Variants in SCIMP observed in about 807,000 individuals in gnomAD.
SCIMP encodes the protein SLP adaptor and CSK interacting membrane protein, also known as SLP adapter and CSK-interacting membrane protein.
A neutral mutation model predicts 22.0 loss-of-function variants in SCIMP; 18 were observed. That is an observed-to-expected ratio of 0.82 (90% CI 0.56 to 1.21). The LOEUF (loss-of-function observed/expected upper bound fraction) is 1.21, where lower values mean the gene tolerates loss of function less well. Among genes scored for constraint, SCIMP ranks in the 50% most tolerant of loss-of-function variants. The pLI, the probability that SCIMP is intolerant of heterozygous loss-of-function variation, is 0.00. For synonymous variants in SCIMP, 53 were observed against 62.2 expected (o/e 0.85, Z 0.70); for missense variants, 155 against 171.2 (o/e 0.91, Z 0.53).
rs555789948 is a variant in SCIMP at position 5,212,558 on chromosome 17, C to T, written c.284-1603G>A. Among the ~76,000 whole-genome samples the T allele has an allele frequency of 7.2e-5, 11 of 152,252 alleles. No individual in the cohort carries two copies. The East Asian group carries it at 1.2e-3, about 16-fold the overall frequency. On this transcript the variant is annotated intron_variant, in intron 4 of 4. Transcript: ENST00000574081. ...CTGAGGCAGGACAATGGCATGAACT[C>T]GGGAGGTGGAGCTTGCAGTGAGCCG...
At chr17:5,233,287 C>T (rs1297194140) in intron 1 of SCIMP, among the ~76,000 whole-genome samples, 2 of 152,142 alleles carry the variant, frequency 1.3e-5, no homozygotes, top group African/African-American at 4.8e-5. Context: ...ATTGCATTTT[C>T]GCTGGCCCCT....
chr17:5,223,341 A>T lies in SCIMP; in HGVS notation c.137T>A (p.Leu46His), dbSNP rs1395390408. 1.2e-6 allele frequency: 2 copies of T among 1,613,788 alleles called. No individual in the cohort carries two copies. The highest frequency in any genetic ancestry group is 3.3e-5 in the Admixed American group (2 of 59,832). The change falls in exon 2 of 5, where the codon CTT becomes CAT. Residue 46 changes from leucine to histidine, a missense_variant. By Grantham distance (99) the Leu-to-His change is moderately conservative. Coordinates refer to ENST00000574081, the MANE Select transcript of SCIMP (RefSeq NM_207103.3). ...LILYCVCKWQ[L>H]RRGKKWEIAK... ...GGTAAAATGGCCATTACCTCGTCTA[A>T]GCTGCCACTTACAGACACAGTACAG...
intron 2 of SCIMP, 36 bp from the exon 3 acceptor site, chr17:5,221,386 T>C: frequency 6.6e-7 from 1 of 1,519,174 alleles, no homozygotes; most frequent in Non-Finnish European, 9.1e-7. Context: ...GAAGAAGAAT[T>C]AGCAAAAGTT....
At chr17:5,220,962 G>T (rs1347110914) in intron 3 of SCIMP, 4 of 396,268 alleles carry the variant, frequency 1.0e-5, no homozygotes, top group Non-Finnish European at 1.9e-5. Flanking sequence ...GGAGGCTGAG[G>T]CAGGAGAATT....
At chr17:5,215,626 T>A (rs775981947) in intron 3 of SCIMP, among the ~76,000 whole-genome samples, 6 of 151,080 alleles carry the variant, frequency 4.0e-5, no homozygotes, top group Non-Finnish European at 8.9e-5. Context: ...AACAAACAAA[T>A]AAAAAAACAA....
chr17:5,224,442 T>TTTTG (rs34816789), intron 1 of SCIMP, among the ~76,000 whole-genome samples: 14 of 143,822 alleles, frequency 9.7e-5, no homozygotes, highest in South Asian at 4.6e-4. Flanking sequence ...AGGCCAGTTT[T>TTTTG]TTTGTTTGTT....
intron 3 of SCIMP, among the ~76,000 whole-genome samples, chr17:5,218,632 C>T (rs1349085173): frequency 2.0e-5 from 3 of 152,162 alleles, no homozygotes; most frequent in Non-Finnish European, 4.4e-5. Context: ...AGCTGCTGCA[C>T]CTGGCCCCAG....
Position 5,228,218 on chromosome 17 carries a change from C to T in SCIMP, c.22-4762G>A, listed in dbSNP as rs533590586. ...AAAATAAGTTGGGCATGGTGGCACG[C>T]GCCTGTGGCCCCAGCTACATGGGAG... On this transcript the variant is annotated intron_variant, in intron 1 of 4. Coordinates refer to ENST00000574081, the MANE Select transcript of SCIMP (RefSeq NM_207103.3). Among the ~76,000 whole-genome samples, 190 of 151,802 alleles carry T rather than the reference C, an allele frequency of 1.3e-3. 1 individual carries two copies. Among genetic ancestry groups the T allele is most frequent in the African/African-American group, 3.8e-3 (158 of 41,398 alleles).
chr17:5,221,393 A>G (rs2144325299), intron 2 of SCIMP, 43 bp from the exon 3 acceptor site: 3 of 1,489,002 alleles, frequency 2.0e-6, no homozygotes, highest in Admixed American at 1.7e-5. Context: ...AATTAGCAAA[A>G]GTTGTGATTT....
intron 1 of SCIMP, among the ~76,000 whole-genome samples, chr17:5,225,850 CT>C (rs1424264332): frequency 1.3e-5 from 2 of 151,608 alleles, no homozygotes; most frequent in East Asian, 3.9e-4. Flanking sequence ...GAGGCCCGGA[CT>C]TGCGACTGAC....
Position 5,210,646 on chromosome 17 carries a change from C to A in SCIMP, c.*155G>T. On this transcript the variant is annotated 3_prime_UTR_variant, in exon 5 of 5. Coordinates refer to ENST00000574081, the MANE Select transcript of SCIMP (RefSeq NM_207103.3). ...CATCCGATCGCAGGGGTGTCTTCAT[C>A]TAAGGTTTGGGAAGTGCTTTATCTT... is the stretch of plus-strand genomic sequence containing the variant. 2 of 984,318 alleles carry A rather than the reference C, an allele frequency of 2.0e-6. No individual in the cohort carries two copies. Among genetic ancestry groups the A allele is most frequent in the Non-Finnish European group, 2.9e-6 (2 of 690,758 alleles). 61.0% of individuals were successfully genotyped at this position (984,318 alleles called of 1,614,324 possible). A position where few individuals can be genotyped will look rare whatever the true frequency, so the allele number is the denominator to read the frequency against.
rs1024431800 is a variant in SCIMP, at chr17:5,234,642, G to A, written c.21+93C>T. 64 of 1,359,084 alleles carry A rather than the reference G, an allele frequency of 4.7e-5. 1 individual carries two copies. The African/African-American group carries it at 7.8e-4, about 17-fold the overall frequency. 84.2% of individuals were successfully genotyped at this position (1,359,084 alleles called of 1,614,324 possible). ...CAATCCCCTGGCCCAGTGCTGATCGGTGGCTCCCAGGGACACGCCCTGATG... is the reference window on the plus strand; with the variant it reads ...CAATCCCCTGGCCCAGTGCTGATCGATGGCTCCCAGGGACACGCCCTGATG... On this transcript the variant is annotated intron_variant, in intron 1 of 4. Transcript: ENST00000574081.
chr17:5,231,765 G>A (rs999047047), intron 1 of SCIMP, among the ~76,000 whole-genome samples: 4 of 152,076 alleles, frequency 2.6e-5, no homozygotes, highest in Admixed American at 2.6e-4. Context: ...TGCAAAACTG[G>A]TCATCTTGGC....
rs2074509180 is a variant in SCIMP, at chr17:5,209,141, T to A, written c.*1660A>T. 6.6e-6 allele frequency: 1 copy of A among 152,126 alleles called. No individual in the cohort carries two copies. Among genetic ancestry groups the A allele is most frequent in the South Asian group, 2.1e-4 (1 of 4,818 alleles). 9.4% of individuals were successfully genotyped at this position (152,126 alleles called of 1,614,324 possible). On this transcript the variant is annotated 3_prime_UTR_variant, in exon 5 of 5. Coordinates refer to ENST00000574081, the MANE Select transcript of SCIMP (RefSeq NM_207103.3). ...AAGGAGGGTTTATTTATTTATTTAT[T>A]TATTTATTTTTAGATGGAGTTTCAC... is the stretch of plus-strand genomic sequence containing the variant.
chr17:5,225,942 G>A (rs1336341311), intron 1 of SCIMP, among the ~76,000 whole-genome samples: 1 of 152,092 alleles, frequency 6.6e-6, no homozygotes, highest in Non-Finnish European at 1.5e-5. Context: ...TGCTGGCATT[G>A]AATTGGAGAA....
At chr17:5,215,143 G>T in intron 3 of SCIMP, 145 bp from the exon 4 acceptor site, 1 of 591,570 alleles carries the variant, frequency 1.7e-6, no homozygotes, top group Admixed American at 2.9e-5. Flanking sequence ...CCTTTCCTTT[G>T]TAGGTCCTGG....
At chr17:5,227,173 G>T (rs1892211372) in intron 1 of SCIMP, among the ~76,000 whole-genome samples, 1 of 151,996 alleles carries the variant, frequency 6.6e-6, no homozygotes, top group Admixed American at 6.6e-5. Context: ...GAGTGCAGTA[G>T]CTCATGCTTG....
chr17:5,230,587 C>G (rs1403777789), intron 1 of SCIMP, among the ~76,000 whole-genome samples: 2 of 152,140 alleles, frequency 1.3e-5, no homozygotes, highest in East Asian at 3.9e-4. Flanking sequence ...ACTTAACCTA[C>G]CTTACTTGAT....
intron 1 of SCIMP, among the ~76,000 whole-genome samples, chr17:5,228,837 C>G (rs2074672118): frequency 6.6e-6 from 1 of 152,142 alleles, no homozygotes; most frequent in South Asian, 2.1e-4. Flanking sequence ...AGAACATCAC[C>G]TGGGGCAGGA....
Sources: allele counts gnomAD v4.1 joint callset (sites outside exome capture counted in the v4.1 genomes callset), GRCh38; gene constraint gnomAD v4.1.1; transcripts MANE v1.5; gene names NCBI Gene and HGNC (gene_info 2026-07-23, HGNC 2026-07-21).